Variants in DLG2 observed in about 807,000 individuals in gnomAD.
DLG2 encodes disks large homolog 2.
DLG2 carries 45 observed loss-of-function variants against 132.5 expected under a neutral mutation model. That is an observed-to-expected ratio of 0.34 (90% CI 0.27 to 0.44). The LOEUF (loss-of-function observed/expected upper bound fraction) is 0.44. Ranked by LOEUF, DLG2 falls within the 20% of genes least tolerant of loss-of-function variation. The pLI is 1.00. For missense variants in DLG2, 1,045 were observed against 1,196.9 expected (o/e 0.87, Z 1.87); for synonymous variants, 424 against 419.6 (o/e 1.01, Z -0.13).
chr11:84,749,624 CTA>C (rs2065843673), intron 6 of DLG2, among the ~76,000 whole-genome samples: 1 of 152,070 alleles, frequency 6.6e-6, no homozygotes. Context: ...TAAGTACACT[CTA>C]TGATATTTGC....
chr11:85,298,232 T>C (rs1245286786), intron 3 of DLG2, among the ~76,000 whole-genome samples: 2 of 152,188 alleles, frequency 1.3e-5, no homozygotes, highest in Non-Finnish European at 2.9e-5. Context: ...ATGAATTATA[T>C]AGTGTTAGAC....
chr11:83,943,976 A>T (rs761836678), intron 14 of DLG2, among the ~76,000 whole-genome samples: 3 of 152,208 alleles, frequency 2.0e-5, no homozygotes, highest in Non-Finnish European at 4.4e-5. Context: ...ATATACGCAA[A>T]GCCTTCACAA....
intron 11 of DLG2, among the ~76,000 whole-genome samples, chr11:84,038,696 TC>T (rs2095952347): frequency 6.6e-6 from 1 of 152,088 alleles, no homozygotes; most frequent in African/African-American, 2.4e-5. Flanking sequence ...GTTAGTCTGT[TC>T]TCACACTACC....
intron 7 of DLG2, among the ~76,000 whole-genome samples, chr11:84,362,313 A>G (rs1211396199): frequency 6.6e-6 from 1 of 151,974 alleles, no homozygotes. Flanking sequence ...TGGTAACTCT[A>G]AGAAATCCCT....
chr11:83,846,571 T>C (rs1475212906), intron 16 of DLG2, among the ~76,000 whole-genome samples: 3 of 152,196 alleles, frequency 2.0e-5, no homozygotes, highest in Non-Finnish European at 2.9e-5. Flanking sequence ...ACATAAGGTC[T>C]TGGATTTAAC....
chr11:83,727,706 T>G (rs1159768665), intron 18 of DLG2, among the ~76,000 whole-genome samples: 1 of 152,208 alleles, frequency 6.6e-6, no homozygotes, highest in Non-Finnish European at 1.5e-5. Flanking sequence ...GCTATCAGAT[T>G]TGTTATTTGA....
chr11:85,147,342 C>T (rs1425478592), intron 5 of DLG2, among the ~76,000 whole-genome samples: 2 of 152,106 alleles, frequency 1.3e-5, no homozygotes, highest in Admixed American at 6.6e-5. Context: ...TCCTAATGAG[C>T]GTGAAGTGGT....
Position 84,486,603 on chromosome 11 carries a change from C to T in DLG2, c.519+47967G>A, listed in dbSNP as rs183219827. On this transcript the variant is annotated intron_variant, in intron 7 of 27. Coordinates refer to ENST00000376104, the MANE Select transcript of DLG2 (RefSeq NM_001142699.3). ...AGGTGTGAAAATCTGCCTCAAATGA[C>T]ACTTTTTACTCTCAGAAACAGAAAA... Among the ~76,000 whole-genome samples the T allele has an allele frequency of 3.9e-3, 572 of 147,458 alleles. 2 individuals are homozygous for T. Among genetic ancestry groups the T allele is most frequent in the South Asian group, 9.8e-3 (47 of 4,812 alleles).
chr11:84,167,929 G>C (rs879568462), intron 8 of DLG2, among the ~76,000 whole-genome samples: 10 of 152,352 alleles, frequency 6.6e-5, no homozygotes, highest in Admixed American at 6.5e-4. Context: ...GCCTCCCAAA[G>C]TGCTGGGATT....
At chr11:84,830,311 A>T (rs1409412075) in intron 6 of DLG2, among the ~76,000 whole-genome samples, 1 of 150,854 alleles carries the variant, frequency 6.6e-6, no homozygotes, top group Non-Finnish European at 1.5e-5. Flanking sequence ...GGGGGTCTCT[A>T]CCTTTTAAAC....
At chr11:83,981,210 G>A (rs1054104533) in intron 11 of DLG2, among the ~76,000 whole-genome samples, 2 of 152,138 alleles carry the variant, frequency 1.3e-5, no homozygotes, top group African/African-American at 2.4e-5. Context: ...ATTTCAGAGA[G>A]AAGATAAGGA....
intron 8 of DLG2, among the ~76,000 whole-genome samples, chr11:84,171,074 A>AT (rs1390436370): frequency 1.3e-5 from 2 of 152,008 alleles, no homozygotes; most frequent in East Asian, 1.9e-4. Context: ...TACCATAAGC[A>AT]TTTTTTCCAT....
At chr11:84,572,061 T>C (rs1221611785) in intron 6 of DLG2, among the ~76,000 whole-genome samples, 1 of 151,792 alleles carries the variant, frequency 6.6e-6, no homozygotes, top group East Asian at 1.9e-4. Context: ...TTTTTTTTTA[T>C]TTTTGTAAAT....
chr11:85,422,490 A>G (rs1400157403), intron 3 of DLG2, among the ~76,000 whole-genome samples: 1 of 146,032 alleles, frequency 6.8e-6, no homozygotes, highest in African/African-American at 2.6e-5. Context: ...GATTTTCCAG[A>G]GCATTTTGCA....
At chr11:85,021,460 G>C in intron 6 of DLG2, 1 of 1,421,112 alleles carries the variant, frequency 7.0e-7, no homozygotes, top group East Asian at 2.3e-5. Context: ...TGCTACAGCA[G>C]CCCGGGCATT....
At chr11:84,119,548 AG>A (rs1162571099) in intron 9 of DLG2, among the ~76,000 whole-genome samples, 1 of 151,982 alleles carries the variant, frequency 6.6e-6, no homozygotes, top group Non-Finnish European at 1.5e-5. Context: ...ACAGTAAATA[AG>A]GGTTGTGTTT....
chr11:84,844,578 C>A (rs887010969), intron 6 of DLG2, among the ~76,000 whole-genome samples: 1 of 151,958 alleles, frequency 6.6e-6, no homozygotes, highest in African/African-American at 2.4e-5. Context: ...CTACCTCACA[C>A]TTTTTCTCTT....
chr11:83,839,261 A>G (rs2056999487), intron 16 of DLG2, among the ~76,000 whole-genome samples: 1 of 152,228 alleles, frequency 6.6e-6, no homozygotes, highest in African/African-American at 2.4e-5. Flanking sequence ...TTTTAAAAAC[A>G]GAATTTTATA....
chr11:84,175,146 G>A (rs1272333389), intron 8 of DLG2, among the ~76,000 whole-genome samples: 1 of 152,118 alleles, frequency 6.6e-6, no homozygotes, highest in African/African-American at 2.4e-5. Flanking sequence ...AATATCTAGT[G>A]TTTGAATCCA....
Sources: gnomAD v4.1 joint callset for allele counts (sites outside exome capture counted in the v4.1 genomes callset) on GRCh38, gnomAD v4.1.1 for gene constraint, MANE v1.5 for transcripts, NCBI Gene and HGNC (gene_info 2026-07-23, HGNC 2026-07-21) for gene names.